DNAJC10: variants seen among roughly 807,000 people sequenced by gnomAD.
The protein encoded by DNAJC10 is DnaJ heat shock protein family (Hsp40) member C10, also known as endoplasmic reticulum disulfide reductase DNAJC10.
Under a neutral mutation model 115.0 loss-of-function variants are expected in DNAJC10, and 101 were observed. The observed-to-expected ratio is 0.88, with a 90% CI of 0.75 to 1.04. The LOEUF is 1.04. DNAJC10 is among the 50% of genes least tolerant of loss of function. The pLI is 0.00. For missense variants in DNAJC10, 981 were observed against 928.8 expected, an observed-to-expected ratio of 1.06 and a Z score of -0.73; for synonymous variants, 307 against 301.5, an observed-to-expected ratio of 1.02 and a Z score of -0.19.
intron 14 of DNAJC10, among the ~76,000 whole-genome samples, chr2:182,749,779 A>C (rs966741465): frequency 2.0e-5 from 3 of 152,236 alleles, no homozygotes; most frequent in Non-Finnish European, 4.4e-5. Flanking sequence ...CAGTGGTTTA[A>C]AACAAACATG....
In DNAJC10 at chr2:182,777,122, A is replaced by G; in HGVS notation, c.2372A>G (p.Asp791Gly). 1 of 1,411,094 alleles carries G rather than the reference A, an allele frequency of 7.1e-7. No homozygotes were observed. Among genetic ancestry groups the G allele is most frequent in the Non-Finnish European group, 9.5e-7 (1 of 1,048,586 alleles). 87.4% of individuals were successfully genotyped at this position (1,411,094 alleles called of 1,614,324 possible). A position where few individuals can be genotyped will look rare whatever the true frequency, so the allele number is the denominator to read the frequency against. ...TLRNQGKRNK[D>G]EL The stretch of plus-strand genomic sequence containing the variant: ...ATCGCCTTTACATTATTATTATAGG[A>G]TGAACTTTGATAATGTTGAAGATGA... Residue 791 changes from aspartate (D) to glycine (G), a missense_variant and splice_region_variant, in exon 24 of 24, where the codon GAT becomes GGT. Physicochemically the swap from Asp to Gly is moderately conservative, Grantham distance 94. Transcript: ENST00000264065.
At chr2:182,766,862 T>C (rs1206544290) in intron 22 of DNAJC10, among the ~76,000 whole-genome samples, 3 of 151,714 alleles carry the variant, frequency 2.0e-5, no homozygotes, top group Non-Finnish European at 4.4e-5. Flanking sequence ...GGATGGGAGG[T>C]GCTGTTGCCT....
intron 9 of DNAJC10, 91 bp from the exon 10 acceptor site, chr2:182,732,408 G>T: frequency 8.1e-7 from 1 of 1,229,406 alleles, no homozygotes; most frequent in South Asian, 1.2e-5. Flanking sequence ...GCCTTCGAAT[G>T]AACATGGTAA....
chr2:182,716,981 A>T (rs1693010581), intron 1 of DNAJC10, 35 bp from the exon 2 acceptor site: 2 of 152,198 alleles, frequency 1.3e-5, no homozygotes, highest in African/African-American at 4.8e-5. Flanking sequence ...TTGTTTGGAT[A>T]CTTGTTAATC....
chr2:182,754,226 A>G (rs1388695935), intron 16 of DNAJC10, among the ~76,000 whole-genome samples: 1 of 152,240 alleles, frequency 6.6e-6, no homozygotes, highest in Non-Finnish European at 1.5e-5. Flanking sequence ...GAATTTGCAC[A>G]CATTTTTCAA....
At chr2:182,750,327 C>T (rs1012414401) in intron 14 of DNAJC10, among the ~76,000 whole-genome samples, 3 of 151,922 alleles carry the variant, frequency 2.0e-5, no homozygotes, top group Non-Finnish European at 2.9e-5. Context: ...TGAGTTCAGG[C>T]AGTAGCAATG....
chr2:182,717,911 G>A (rs1693037796), intron 2 of DNAJC10, 30 bp from the exon 3 acceptor site: 2 of 490,290 alleles, frequency 4.1e-6, no homozygotes, highest in Admixed American at 3.8e-5. Flanking sequence ...AGTTCAAAAT[G>A]TATTTTAACT....
At chr2:182,744,302 C>T (rs1040293770) in intron 14 of DNAJC10, among the ~76,000 whole-genome samples, 9 of 151,932 alleles carry the variant, frequency 5.9e-5, no homozygotes, top group Admixed American at 3.9e-4. Flanking sequence ...CAACAGATAC[C>T]GATGAAATGC....
intron 17 of DNAJC10, among the ~76,000 whole-genome samples, chr2:182,755,710 T>A (rs916504320): frequency 1.3e-5 from 2 of 152,208 alleles, no homozygotes; most frequent in African/African-American, 4.8e-5. Flanking sequence ...GTATCTCCAG[T>A]CAGAATGTCA....
intron 14 of DNAJC10, among the ~76,000 whole-genome samples, chr2:182,750,900 A>T (rs1332468006): frequency 6.6e-6 from 1 of 152,176 alleles, no homozygotes; most frequent in Admixed American, 6.5e-5. Context: ...AAATGTCATT[A>T]TGCAGGACTG....
At position 182,785,273 on chromosome 2, in the gene DNAJC10, T is replaced by C. The variant is rs531762891; in HGVS notation, c.*8141T>C. Reference sequence around the variant, plus strand: ...TGGATCACTTCTAATAAATAAAACATAAAATTGGACTAATAGCTTAATTTT... The same window carrying C: ...TGGATCACTTCTAATAAATAAAACACAAAATTGGACTAATAGCTTAATTTT... On this transcript the variant is annotated 3_prime_UTR_variant, in exon 24 of 24. Transcript: ENST00000264065. 2 of 152,196 alleles carry C rather than the reference T, an allele frequency of 1.3e-5. No individual in the cohort carries two copies. Among genetic ancestry groups the C allele is most frequent in the East Asian group, 3.9e-4 (2 of 5,182 alleles). 9.4% of individuals were successfully genotyped at this position (152,196 alleles called of 1,614,324 possible).
chr2:182,735,313 T>C (rs966981412), intron 10 of DNAJC10, among the ~76,000 whole-genome samples: 1 of 151,944 alleles, frequency 6.6e-6, no homozygotes, highest in Non-Finnish European at 1.5e-5. Flanking sequence ...TTTGCTGTTA[T>C]GTATTCTAAT....
rs564628177 is a variant in DNAJC10 at position 182,777,260 on chromosome 2, A to G, written c.*128A>G. On this transcript the variant is annotated 3_prime_UTR_variant, in exon 24 of 24. Coordinates refer to ENST00000264065, the MANE Select transcript of DNAJC10 (RefSeq NM_018981.4). ...ATCTTAGACTTGCAGTTGTACTGCCAGAATTATCTACAGCACTGGTGTAAA... is the reference window on the plus strand; with the variant it reads ...ATCTTAGACTTGCAGTTGTACTGCCGGAATTATCTACAGCACTGGTGTAAA... 6 of 547,926 alleles carry G rather than the reference A, an allele frequency of 1.1e-5. No homozygotes were observed. The highest frequency in any genetic ancestry group is 1.8e-5 in the Non-Finnish European group (6 of 336,838). The allele number at this position is 547,926 out of a possible 1,614,324, so 33.9% of individuals were successfully genotyped here.
In DNAJC10 at chr2:182,729,011, G is replaced by A; in HGVS notation, c.633+17G>A. 6.2e-7 allele frequency: 1 copy of A among 1,611,726 alleles called. No homozygotes were observed. The highest frequency in any genetic ancestry group is 8.5e-7 in the Non-Finnish European group (1 of 1,178,778). ...TCTGGAATGGTAAGGGATAAAGTTA[G>A]CATTTTTTAAATTTGTGAAACATTA... On this transcript the variant is annotated intron_variant, in intron 7 of 23. Transcript: ENST00000264065.
intron 5 of DNAJC10, among the ~76,000 whole-genome samples, chr2:182,726,141 A>C (rs184078): frequency 0.65 from 98,021 of 151,830 alleles, 31,972 homozygotes; most frequent in Middle Eastern, 0.74. Context: ...GTTCATTCCA[A>C]CCTTCATGGA....
At chr2:182,754,688 C>G (rs1198137776) in intron 16 of DNAJC10, 3 of 981,058 alleles carry the variant, frequency 3.1e-6, no homozygotes, top group East Asian at 8.2e-5. Context: ...ATAGCCTCTT[C>G]TTACCTTGGT....
At position 182,788,435 on chromosome 2, in the gene DNAJC10, A is replaced by C. The variant is rs1161512926; in HGVS notation, c.*11303A>C. On this transcript the variant is annotated 3_prime_UTR_variant, in exon 24 of 24. Coordinates refer to ENST00000264065, the MANE Select transcript of DNAJC10 (RefSeq NM_018981.4). ...TTACCACTTGCAGAAATCAACAGACAAGGTGGATGAGAACTGTAAATCATC... is the reference window on the plus strand; with the variant it reads ...TTACCACTTGCAGAAATCAACAGACCAGGTGGATGAGAACTGTAAATCATC... The C allele has an allele frequency of 4.6e-6, 1 of 215,224 alleles. No individual in the cohort carries two copies. Among genetic ancestry groups the C allele is most frequent in the Non-Finnish European group, 9.3e-6 (1 of 107,790 alleles). 13.3% of individuals were successfully genotyped at this position (215,224 alleles called of 1,614,324 possible).
In DNAJC10 at chr2:182,743,618, C is replaced by G; in HGVS notation, c.1212C>G (p.Ser404=). Residue 404 remains serine (S), a synonymous_variant, in exon 14 of 24, where the codon TCC becomes TCG. Coordinates refer to ENST00000264065, the MANE Select transcript of DNAJC10 (RefSeq NM_018981.4). ...DHIQVGRFDC[S]SAPDICSNLY... ...TTTAGGTTGGCAGGTTTGACTGTTC[C>G]TCTGCACCAGACATCTGTAGTAATC... is the stretch of plus-strand genomic sequence containing the variant. The G allele has an allele frequency of 6.8e-6, 11 of 1,613,148 alleles. No homozygotes were observed. The highest frequency in any genetic ancestry group is 8.5e-6 in the Non-Finnish European group (10 of 1,179,522).
intron 8 of DNAJC10, chr2:182,730,536 C>G: frequency 2.2e-6 from 1 of 452,560 alleles, no homozygotes; most frequent in South Asian, 1.6e-5. Flanking sequence ...TATTATAGAG[C>G]TTAAGGGAGC....
Sources: gnomAD v4.1 joint callset for allele counts (sites outside exome capture counted in the v4.1 genomes callset) on GRCh38, gnomAD v4.1.1 for gene constraint, MANE v1.5 for transcripts, NCBI Gene and HGNC (gene_info 2026-07-23, HGNC 2026-07-21) for gene names.